The following CNTN4 variants were observed in gnomAD, a reference collection of about 807,000 sequenced individuals.
CNTN4 encodes contactin-4.
Under a neutral mutation model 122.5 loss-of-function variants are expected in CNTN4, and 77 were observed. That is an observed-to-expected ratio of 0.63 (90% confidence interval 0.52 to 0.76). The LOEUF is 0.76. Ranked by LOEUF, CNTN4 falls within the 30% of genes least tolerant of loss-of-function variation. The pLI, the probability that CNTN4 is intolerant of heterozygous loss-of-function variation, is 0.00. For missense variants in CNTN4, 1,256 were observed against 1,259.1 expected (o/e 1.00, Z 0.04); for synonymous variants, 512 against 447.0 (o/e 1.15, Z -1.83).
rs1487762965 is a variant in CNTN4, at chr3:2,120,187, C to G, written c.-145+19548C>G. Among the ~76,000 whole-genome samples, 3 of 150,950 alleles carry G rather than the reference C, an allele frequency of 2.0e-5. No individual in the cohort carries two copies. The East Asian group carries it at 5.8e-4, about 29-fold the overall frequency. ...TAGACTAAGCTGAGTGAAGGGGGCT[C>G]TAAATAGAATCATATAGGAGAAATA... is the stretch of plus-strand genomic sequence containing the variant. On this transcript the variant is annotated intron_variant, in intron 2 of 24. Transcript: ENST00000418658.
intron 23 of CNTN4, among the ~76,000 whole-genome samples, chr3:3,047,750 T>C (rs7373263): frequency 0.26 from 38,459 of 149,306 alleles, 5,155 homozygotes; most frequent in Middle Eastern, 0.35. Context: ...ATTCAAAAGC[T>C]AGCAGAAGGC....
chr3:2,686,618 T>C (rs1056271841), intron 4 of CNTN4, among the ~76,000 whole-genome samples: 1 of 152,198 alleles, frequency 6.6e-6, no homozygotes, highest in East Asian at 1.9e-4. Context: ...AATGAACATA[T>C]TCATCACCTC....
intron 14 of CNTN4, among the ~76,000 whole-genome samples, chr3:3,023,764 C>A (rs1452617973): frequency 6.6e-6 from 1 of 152,100 alleles, no homozygotes; most frequent in African/African-American, 2.4e-5. Flanking sequence ...CCATCTGCAC[C>A]CCATGGCAGA....
chr3:2,639,142 A>G (rs963084000), intron 4 of CNTN4, among the ~76,000 whole-genome samples: 1 of 152,074 alleles, frequency 6.6e-6, no homozygotes, highest in African/African-American at 2.4e-5. Context: ...AAAAACTTGC[A>G]TTGACTCTCC....
At position 2,235,819 on chromosome 3, in the gene CNTN4, A is replaced by C. The variant is rs138378084; in HGVS notation, c.-144-103359A>C. On this transcript the variant is annotated intron_variant, in intron 2 of 24. Coordinates refer to ENST00000418658, the MANE Select transcript of CNTN4 (RefSeq NM_175607.3). ...ATTTATTGTTACAATACATCCACTT[A>C]ACACCCAGGTTTTCAATGGCCACTC... Among the ~76,000 whole-genome samples, 164 of 152,218 alleles carry C rather than the reference A, an allele frequency of 1.1e-3. 1 individual carries two copies. Among genetic ancestry groups the C allele is most frequent in the African/African-American group, 3.8e-3 (159 of 41,540 alleles).
chr3:2,217,365 A>C lies in CNTN4; in HGVS notation c.-145+116726A>C, dbSNP rs2038888894. 2.0e-5 allele frequency among the ~76,000 whole-genome samples: 3 copies of C among 152,158 alleles called. No homozygotes were observed. In the South Asian group the frequency reaches 6.2e-4, roughly 32 times the overall value. On this transcript the variant is annotated intron_variant, in intron 2 of 24. Coordinates refer to ENST00000418658, the MANE Select transcript of CNTN4 (RefSeq NM_175607.3). Reference sequence around the variant, plus strand: ...GCTGGTCTAGTTCCAGGATGAGTTAATCTTGTTCCTCTATGGATTCTGCCA... The same window carrying C: ...GCTGGTCTAGTTCCAGGATGAGTTACTCTTGTTCCTCTATGGATTCTGCCA...
chr3:2,749,190 G>A (rs567462020), intron 6 of CNTN4, among the ~76,000 whole-genome samples: 8 of 152,118 alleles, frequency 5.3e-5, no homozygotes, highest in South Asian at 2.1e-4. Flanking sequence ...TTGAGACTGA[G>A]TCTTGCTCCG....
intron 3 of CNTN4, among the ~76,000 whole-genome samples, chr3:2,491,276 T>A (rs918304469): frequency 9.9e-5 from 15 of 152,164 alleles, no homozygotes; most frequent in African/African-American, 3.6e-4. Flanking sequence ...TAAAGATAGT[T>A]GTAAGAATTG....
At chr3:2,455,188 G>C (rs905223164) in intron 3 of CNTN4, among the ~76,000 whole-genome samples, 2 of 152,126 alleles carry the variant, frequency 1.3e-5, no homozygotes, top group African/African-American at 4.8e-5. Flanking sequence ...CACAGCAAGG[G>C]CTGTGGCAGA....
intron 2 of CNTN4, among the ~76,000 whole-genome samples, chr3:2,329,236 A>G (rs972662374): frequency 2.0e-5 from 3 of 152,136 alleles, no homozygotes; most frequent in African/African-American, 4.8e-5. Flanking sequence ...GATTTCTCCT[A>G]TATGTCTATA....
chr3:2,460,513 C>T (rs11711409), intron 3 of CNTN4, among the ~76,000 whole-genome samples: 28,663 of 152,032 alleles, frequency 0.19, 3,302 homozygotes, highest in Middle Eastern at 0.28. Context: ...GAGATAGGGG[C>T]AGATACTGGG....
chr3:2,526,292 A>C (rs1265667230), intron 3 of CNTN4, among the ~76,000 whole-genome samples: 1 of 152,162 alleles, frequency 6.6e-6, no homozygotes, highest in East Asian at 1.9e-4. Flanking sequence ...AAGTTAAAAG[A>C]AGGAAAAGAA....
intron 3 of CNTN4, among the ~76,000 whole-genome samples, chr3:2,551,623 A>G (rs1178332040): frequency 6.6e-6 from 1 of 152,184 alleles, no homozygotes; most frequent in Non-Finnish European, 1.5e-5. Context: ...TAATAATAGC[A>G]GAGGGAATCC....
At chr3:2,942,716 G>C (rs761220837) in intron 13 of CNTN4, among the ~76,000 whole-genome samples, 11 of 152,020 alleles carry the variant, frequency 7.2e-5, no homozygotes, top group Admixed American at 2.0e-4. Context: ...GGTATAAAGT[G>C]GTGTTCTATA....
At chr3:2,368,327 T>C (rs13091946) in intron 3 of CNTN4, among the ~76,000 whole-genome samples, 57,997 of 151,860 alleles carry the variant, frequency 0.38, 11,251 homozygotes, top group Middle Eastern at 0.49. Context: ...CCACAGAGCC[T>C]GGCCTCTTTT....
intron 16 of CNTN4, among the ~76,000 whole-genome samples, chr3:3,033,616 C>T (rs1263892638): frequency 2.6e-5 from 4 of 152,120 alleles, no homozygotes; most frequent in South Asian, 2.1e-4. Flanking sequence ...TCCTTATGCC[C>T]GTCTAATGGG....
intron 3 of CNTN4, among the ~76,000 whole-genome samples, chr3:2,537,138 G>A (rs192297114): frequency 5.9e-5 from 9 of 152,102 alleles, no homozygotes; most frequent in East Asian, 1.9e-4. Flanking sequence ...ATGCACATGC[G>A]TTCTATAAGG....
chr3:2,649,098 A>G (rs1001164771), intron 4 of CNTN4, among the ~76,000 whole-genome samples: 5 of 152,216 alleles, frequency 3.3e-5, no homozygotes, highest in Admixed American at 6.5e-5. Flanking sequence ...AGGTTGCTTC[A>G]TGAGATTTAA....
rs1047055635 is a variant in CNTN4, at chr3:2,954,670, A to G, written c.1358+28891A>G. Reference sequence around the variant, plus strand: ...ACCTTTTAAGCCTGGAATGGATAGCAAAGACCTACAGCTTTAGTGCATGTA... The same window carrying G: ...ACCTTTTAAGCCTGGAATGGATAGCGAAGACCTACAGCTTTAGTGCATGTA... On this transcript the variant is annotated intron_variant, in intron 13 of 24. Coordinates refer to ENST00000418658, the MANE Select transcript of CNTN4 (RefSeq NM_175607.3). 3.9e-5 allele frequency among the ~76,000 whole-genome samples: 6 copies of G among 152,074 alleles called. No individual in the cohort carries two copies. In the East Asian group the frequency reaches 1.2e-3, roughly 29 times the overall value.
Sources: allele counts gnomAD v4.1 joint callset (sites outside exome capture counted in the v4.1 genomes callset), GRCh38; gene constraint gnomAD v4.1.1; transcripts MANE v1.5; gene names NCBI Gene and HGNC (gene_info 2026-07-23, HGNC 2026-07-21).